The following RSPO2 variants were observed in gnomAD, a reference collection of about 807,000 sequenced individuals.
RSPO2 encodes R-spondin 2.
Under a neutral mutation model 30.9 loss-of-function variants are expected in RSPO2, and 14 were observed. That is an observed-to-expected ratio of 0.45 (90% confidence interval 0.30 to 0.71). The LOEUF is 0.71. Ranked by LOEUF, RSPO2 falls within the 30% of genes least tolerant of loss-of-function variation. The probability of loss-of-function intolerance (pLI) is 0.08; values close to 1 mark genes in which losing one functional copy is unlikely to be tolerated. For synonymous variants in RSPO2, 107 were observed against 96.4 expected (o/e 1.11, Z -0.64); for missense variants, 264 against 301.9 (o/e 0.87, Z 0.93).
At chr8:107,989,971 A>T (rs1316034808) in intron 2 of RSPO2, among the ~76,000 whole-genome samples, 2 of 152,232 alleles carry the variant, frequency 1.3e-5, no homozygotes, top group Admixed American at 1.3e-4. Context: ...AACAGTCAAC[A>T]ATATCAGTAA....
At chr8:108,051,444 CAGA>C (rs1488091361) in intron 2 of RSPO2, among the ~76,000 whole-genome samples, 1 of 152,160 alleles carries the variant, frequency 6.6e-6, no homozygotes. Context: ...TCTGCAGTGT[CAGA>C]AGATGTGTAG....
At chr8:107,923,050 A>T (rs1662742744) in intron 5 of RSPO2, among the ~76,000 whole-genome samples, 1 of 152,190 alleles carries the variant, frequency 6.6e-6, no homozygotes. Flanking sequence ...AGGAAAAGCA[A>T]TTACAACAAA....
chr8:108,064,453 C>T (rs906755924), intron 2 of RSPO2, among the ~76,000 whole-genome samples: 23 of 152,298 alleles, frequency 1.5e-4, no homozygotes, highest in Middle Eastern at 6.8e-3. Context: ...CAGAGAAATG[C>T]AAATCAAAAC....
chr8:108,081,275 T>C (rs1318798012), intron 2 of RSPO2, among the ~76,000 whole-genome samples: 1 of 152,120 alleles, frequency 6.6e-6, no homozygotes, highest in African/African-American at 2.4e-5. Context: ...AGCTTAACAA[T>C]GTCCTAAAAA....
In RSPO2 at chr8:108,068,856, C is replaced by T. The variant is rs1467762808; in HGVS notation, c.94+13689G>A. Among the ~76,000 whole-genome samples, 5 of 152,276 alleles carry T rather than the reference C, an allele frequency of 3.3e-5. No homozygotes were observed. The South Asian group carries it at 1.0e-3, about 32-fold the overall frequency. ...CTCAGAGAGAGCATGAACCTCCTTG[C>T]ATCTTGATTTTGGACTTTTAGCCTC... is the stretch of plus-strand genomic sequence containing the variant. On this transcript the variant is annotated intron_variant, in intron 2 of 5. Transcript: ENST00000276659.
chr8:107,978,546 C>T (rs1461899879), intron 3 of RSPO2, among the ~76,000 whole-genome samples: 5 of 152,194 alleles, frequency 3.3e-5, no homozygotes, highest in African/African-American at 1.2e-4. Context: ...GGATTAAAGA[C>T]TTACATGTTA....
chr8:108,005,960 G>A (rs1273324204), intron 2 of RSPO2, among the ~76,000 whole-genome samples: 3 of 152,122 alleles, frequency 2.0e-5, no homozygotes, highest in Non-Finnish European at 4.4e-5. Context: ...TAGCAAAAAC[G>A]AAAGGAGTCA....
chr8:107,911,411 G>C (rs1811823331), intron 5 of RSPO2, among the ~76,000 whole-genome samples: 1 of 152,114 alleles, frequency 6.6e-6, no homozygotes, highest in Admixed American at 6.5e-5. Flanking sequence ...CATGAGTCTG[G>C]GGCGTCAGAC....
At chr8:108,035,313 GGTTTTCT>G (rs1202610369) in intron 2 of RSPO2, among the ~76,000 whole-genome samples, 2 of 152,058 alleles carry the variant, frequency 1.3e-5, no homozygotes, top group African/African-American at 2.4e-5. Context: ...TTTTTTGGGG[GGTTTTCT>G]TACTGTGTTT....
intron 5 of RSPO2, among the ~76,000 whole-genome samples, chr8:107,945,250 T>C (rs1250936582): frequency 7.7e-6 from 1 of 129,216 alleles, no homozygotes; most frequent in East Asian, 2.2e-4. Context: ...CCTTTTTTTT[T>C]TTTTTTTTTT....
Position 108,024,011 on chromosome 8 carries a change from T to A in RSPO2, c.95-34767A>T, listed in dbSNP as rs1171198886. On this transcript the variant is annotated intron_variant, in intron 2 of 5. Transcript: ENST00000276659. ...CTTTTGACCACACATTAAACATGAA[T>A]TAAATTACTAAAATTTCATGGTGTG... is the stretch of plus-strand genomic sequence containing the variant. 2.0e-5 allele frequency among the ~76,000 whole-genome samples: 3 copies of A among 152,162 alleles called. No homozygotes were observed. In the East Asian group the frequency reaches 5.8e-4, roughly 29 times the overall value.
chr8:108,056,858 C>T (rs972608477), intron 2 of RSPO2, among the ~76,000 whole-genome samples: 2 of 150,404 alleles, frequency 1.3e-5, no homozygotes, highest in African/African-American at 4.9e-5. Context: ...GAGTTTGAGA[C>T]CAACCTGGCC....
intron 5 of RSPO2, among the ~76,000 whole-genome samples, chr8:107,910,056 G>A (rs1472980903): frequency 2.0e-5 from 3 of 152,184 alleles, no homozygotes; most frequent in Non-Finnish European, 4.4e-5. Flanking sequence ...CAGGTTTGCA[G>A]AGAAAATGAT....
chr8:108,008,419 G>A (rs777460876), intron 2 of RSPO2, among the ~76,000 whole-genome samples: 2 of 152,030 alleles, frequency 1.3e-5, no homozygotes, highest in Admixed American at 6.6e-5. Context: ...CTGACTGCCT[G>A]GCCTCTGAGG....
chr8:108,081,830 TGG>T (rs1302958084), intron 2 of RSPO2: 2 of 873,226 alleles, frequency 2.3e-6, no homozygotes, highest in East Asian at 2.4e-4. Flanking sequence ...GCAAAGCAAA[TGG>T]AGAGAGCGAA....
intron 2 of RSPO2, among the ~76,000 whole-genome samples, chr8:108,065,970 A>T (rs1475258611): frequency 2.6e-5 from 4 of 152,170 alleles, no homozygotes; most frequent in Non-Finnish European, 5.9e-5. Flanking sequence ...CCCAGGAGGC[A>T]GAGGTTACAG....
At chr8:108,010,120 CAA>C (rs947714153) in intron 2 of RSPO2, among the ~76,000 whole-genome samples, 4 of 151,476 alleles carry the variant, frequency 2.6e-5, no homozygotes, top group African/African-American at 9.7e-5. Context: ...AAACCAGAGA[CAA>C]AAAAAGACTC....
At chr8:108,072,513 T>G (rs1264655541) in intron 2 of RSPO2, among the ~76,000 whole-genome samples, 1 of 132,208 alleles carries the variant, frequency 7.6e-6, no homozygotes, top group Non-Finnish European at 1.7e-5. Context: ...TTTTTTTTTG[T>G]ATTTTTAGTA....
intron 5 of RSPO2, among the ~76,000 whole-genome samples, chr8:107,908,119 C>T (rs1307943588): frequency 6.6e-6 from 1 of 152,122 alleles, no homozygotes; most frequent in Non-Finnish European, 1.5e-5. Flanking sequence ...TTCCTGCACA[C>T]GGTATTTCAA....
Sources: allele counts gnomAD v4.1 joint callset (sites outside exome capture counted in the v4.1 genomes callset), GRCh38; gene constraint gnomAD v4.1.1; transcripts MANE v1.5; gene names NCBI Gene and HGNC (gene_info 2026-07-23, HGNC 2026-07-21).